Variants in FGF12 observed in about 807,000 individuals in gnomAD.
FGF12 encodes the protein fibroblast growth factor 12.
In FGF12, 14 loss-of-function variants were observed where a neutral mutation model predicts 23.6. The ratio of observed to expected loss-of-function variants is 0.59; its 90% confidence interval spans 0.39 to 0.93. FGF12 has a LOEUF of 0.93. Ranked by LOEUF, FGF12 falls within the 40% of genes least tolerant of loss-of-function variation. FGF12 has a pLI of 0.00. For missense variants in FGF12, 175 were observed against 217.8 expected (o/e 0.80, Z 1.24); for synonymous variants, 62 against 77.3 (o/e 0.80, Z 1.04).
At chr3:192,621,690 C>CAAAAAAAAAAAAAAA (rs5855441) in intron 2 of FGF12, among the ~76,000 whole-genome samples, 17 of 94,306 alleles carry the variant, frequency 1.8e-4, no homozygotes, top group East Asian at 3.6e-4. Flanking sequence ...GATACAAATA[C>CAAAAAAAAAAAAAAA]AAAAAAAAAA....
intron 4 of FGF12, chr3:192,238,330 G>A (rs2126071): frequency 0.46 from 70,318 of 152,152 alleles, 17,347 homozygotes; most frequent in East Asian, 0.94. Flanking sequence ...AGGCGAGTAC[G>A]CATCAGTAGG....
At chr3:192,630,402 T>A (rs182462476) in intron 2 of FGF12, among the ~76,000 whole-genome samples, 97 of 152,002 alleles carry the variant, frequency 6.4e-4, no homozygotes, top group Admixed American at 1.4e-3. Flanking sequence ...TATAGAGAAA[T>A]GCTTTCATTT....
chr3:192,655,184 C>T (rs554734169), intron 2 of FGF12, among the ~76,000 whole-genome samples: 1 of 152,160 alleles, frequency 6.6e-6, no homozygotes, highest in Non-Finnish European at 1.5e-5. Flanking sequence ...TGCTGCCTGG[C>T]CAATATCTAT....
At chr3:192,641,510 T>C (rs1168044745) in intron 2 of FGF12, among the ~76,000 whole-genome samples, 2 of 151,614 alleles carry the variant, frequency 1.3e-5, no homozygotes, top group Non-Finnish European at 2.9e-5. Context: ...GTTCCAGCGA[T>C]TCTCCTGCCT....
intron 5 of FGF12, among the ~76,000 whole-genome samples, chr3:192,154,642 GGACCCACTTGA>G (rs1350824649): frequency 6.7e-6 from 1 of 148,748 alleles, no homozygotes; most frequent in Non-Finnish European, 1.5e-5. Context: ...CAGGGGTCAG[GGACCCACTTGA>G]GGAGGTAGTC....
At chr3:192,556,553 G>A (rs1231388636) in intron 2 of FGF12, among the ~76,000 whole-genome samples, 1 of 152,072 alleles carries the variant, frequency 6.6e-6, no homozygotes, top group African/African-American at 2.4e-5. Flanking sequence ...GGGAGAAATG[G>A]ACAGTAGTAC....
At chr3:192,344,038 C>T (rs1717830434) in intron 3 of FGF12, among the ~76,000 whole-genome samples, 2 of 152,074 alleles carry the variant, frequency 1.3e-5, no homozygotes, top group South Asian at 4.2e-4. Context: ...CAGACCTTGG[C>T]GATGACTTTG....
rs761416808 is a variant in FGF12 at position 192,408,068 on chromosome 3, C to G, written c.14-47530G>C. 2 of 1,612,880 alleles carry G rather than the reference C, an allele frequency of 1.2e-6. No homozygotes were observed. The highest frequency in any genetic ancestry group is 2.7e-5 in the African/African-American group (2 of 74,952). On this transcript the variant is annotated intron_variant, in intron 2 of 5. Transcript: ENST00000445105. The surrounding 1 kb of genome is among the most constrained non-coding windows in gnomAD (Gnocchi z 7.3). ...GCCTCTTGCGGCCGCTGCAGAAGCG[C>G]ACTTTGCTGAACACCCCGAGGACGT...
chr3:192,428,482 A>C (rs1721758045), intron 2 of FGF12, among the ~76,000 whole-genome samples: 1 of 152,180 alleles, frequency 6.6e-6, no homozygotes, highest in African/African-American at 2.4e-5. Flanking sequence ...GTTCCATCTG[A>C]AAAATAAATT....
At chr3:192,571,010 A>G (rs1293333049) in intron 2 of FGF12, among the ~76,000 whole-genome samples, 1 of 152,056 alleles carries the variant, frequency 6.6e-6, no homozygotes, top group African/African-American at 2.4e-5. Flanking sequence ...GATTCCATTA[A>G]CCTTCTGATT....
chr3:192,621,144 C>CAAA lies in FGF12; in HGVS notation c.13+106034_13+106036dup, dbSNP rs1336919989. 8.5e-5 allele frequency among the ~76,000 whole-genome samples: 13 copies of CAAA among 152,218 alleles called. No homozygotes were observed. The East Asian group carries it at 2.5e-3, about 29-fold the overall frequency. ...CATTGTTTTTGTTTTCACCCACCCCCAAAATGATATGTGCGCTTTTCCCTC... is the reference window on the plus strand; with the variant it reads ...CATTGTTTTTGTTTTCACCCACCCCCAAAAAAATGATATGTGCGCTTTTCCCTC... On this transcript the variant is annotated intron_variant, in intron 2 of 5. Transcript: ENST00000445105.
intron 4 of FGF12, among the ~76,000 whole-genome samples, chr3:192,257,085 T>C (rs1237480759): frequency 1.3e-5 from 2 of 152,174 alleles, no homozygotes; most frequent in Non-Finnish European, 2.9e-5. Context: ...GAGCAATCTG[T>C]GCAAATAATA....
intron 4 of FGF12, among the ~76,000 whole-genome samples, chr3:192,225,817 C>A (rs1408051077): frequency 6.6e-6 from 1 of 152,082 alleles, no homozygotes; most frequent in African/African-American, 2.4e-5. Context: ...CATGGATGAA[C>A]CTTGAAAACA....
chr3:192,515,409 G>C (rs1724637339), intron 2 of FGF12: 2 of 152,960 alleles, frequency 1.3e-5, no homozygotes, highest in African/African-American at 4.8e-5. Flanking sequence ...AAAGCTCCTG[G>C]GTGCCGGCTA....
At chr3:192,208,517 T>C (rs1027229149) in intron 4 of FGF12, among the ~76,000 whole-genome samples, 4 of 152,228 alleles carry the variant, frequency 2.6e-5, no homozygotes, top group African/African-American at 7.2e-5. Flanking sequence ...AAAGAACATG[T>C]TGTAATTTGG....
intron 4 of FGF12, among the ~76,000 whole-genome samples, chr3:192,300,495 C>G (rs1321067245): frequency 6.6e-6 from 1 of 151,992 alleles, no homozygotes; most frequent in East Asian, 1.9e-4. Context: ...GGGGCCAGGT[C>G]CTGGGGGAAG....
intron 2 of FGF12, among the ~76,000 whole-genome samples, chr3:192,557,340 A>G (rs904101774): frequency 6.6e-6 from 1 of 151,822 alleles, no homozygotes; most frequent in Non-Finnish European, 1.5e-5. Flanking sequence ...AAAAAAAGAC[A>G]TGAAAGAGGT....
At chr3:192,252,690 T>C (rs909293663) in intron 4 of FGF12, among the ~76,000 whole-genome samples, 3 of 151,804 alleles carry the variant, frequency 2.0e-5, no homozygotes, top group African/African-American at 7.3e-5. Flanking sequence ...AACACAAGGA[T>C]CACCTTAATT....
At chr3:192,577,500 T>C (rs1392872626) in intron 2 of FGF12, among the ~76,000 whole-genome samples, 1 of 152,216 alleles carries the variant, frequency 6.6e-6, no homozygotes, top group Non-Finnish European at 1.5e-5. Context: ...TTACCTGGAA[T>C]GCTATGTGCA....
Sources: gnomAD v4.1 joint callset for allele counts (sites outside exome capture counted in the v4.1 genomes callset) on GRCh38, gnomAD v4.1.1 for gene constraint, Gnocchi (gnomAD v3.1) non-coding constraint, MANE v1.5 for transcripts, NCBI Gene and HGNC (gene_info 2026-07-23, HGNC 2026-07-21) for gene names.